SPAG9: variants seen among roughly 807,000 people sequenced by gnomAD.
SPAG9 encodes C-Jun-amino-terminal kinase-interacting protein 4.
In SPAG9, 35 loss-of-function variants were observed where a neutral mutation model predicts 166.5. That is an observed-to-expected ratio of 0.21 (90% CI 0.16 to 0.28). The LOEUF (loss-of-function observed/expected upper bound fraction) is 0.28, where lower values mean the gene tolerates loss of function less well. Ranked by LOEUF, SPAG9 falls within the 10% of genes least tolerant of loss-of-function variation. The probability of loss-of-function intolerance (pLI) is 1.00; values close to 1 mark genes in which losing one functional copy is unlikely to be tolerated. For missense variants in SPAG9, 1,235 were observed against 1,603.3 expected (o/e 0.77, Z 3.92); for synonymous variants, 534 against 565.5 (o/e 0.94, Z 0.79).
At chr17:51,114,091 C>T (rs1466651788) in intron 1 of SPAG9, among the ~76,000 whole-genome samples, 1 of 151,562 alleles carries the variant, frequency 6.6e-6, no homozygotes, top group East Asian at 1.9e-4. Flanking sequence ...TTTGGGAGGC[C>T]GAGGCAGGGG....
intron 5 of SPAG9, among the ~76,000 whole-genome samples, chr17:51,038,315 G>A (rs970766220): frequency 1.3e-5 from 2 of 152,104 alleles, no homozygotes; most frequent in South Asian, 4.1e-4. Context: ...AAGGGCTGAC[G>A]AGTACCCCAA....
intron 1 of SPAG9, chr17:51,085,208 AT>A (rs2048275237): frequency 6.6e-6 from 1 of 152,226 alleles, no homozygotes; most frequent in South Asian, 2.1e-4. Context: ...TAAAAAACAT[AT>A]AGCATTATGA....
intron 1 of SPAG9, among the ~76,000 whole-genome samples, chr17:51,093,311 A>C (rs1328045801): frequency 6.6e-6 from 1 of 152,196 alleles, no homozygotes; most frequent in African/African-American, 2.4e-5. Context: ...ATATGCAGAA[A>C]GGGGCATGTA....
intron 26 of SPAG9, among the ~76,000 whole-genome samples, chr17:50,977,529 A>G (rs1974289946): frequency 6.6e-6 from 1 of 152,196 alleles, no homozygotes; most frequent in Admixed American, 6.5e-5. Context: ...GAAATAGGAT[A>G]CATCAGGAAC....
chr17:50,994,000 G>A, intron 18 of SPAG9, 65 bp from the exon 19 acceptor site: 2 of 1,388,750 alleles, frequency 1.4e-6, no homozygotes, highest in Non-Finnish European at 2.0e-6. Flanking sequence ...ATAAGGTGGT[G>A]CTGTTACAGT....
intron 29 of SPAG9, among the ~76,000 whole-genome samples, chr17:50,967,017 T>TG (rs1417693972): frequency 6.6e-6 from 1 of 152,326 alleles, no homozygotes; most frequent in African/African-American, 2.4e-5. Context: ...ACAAAGAGGT[T>TG]GGGGTAGCAG....
At chr17:51,112,835 C>G (rs1349061932) in intron 1 of SPAG9, among the ~76,000 whole-genome samples, 1 of 151,142 alleles carries the variant, frequency 6.6e-6, no homozygotes, top group Non-Finnish European at 1.5e-5. Flanking sequence ...ATTAGCCAGG[C>G]ATGGTGGCGC....
In SPAG9 at chr17:50,995,529, G is replaced by A. The variant is rs1272867766; in HGVS notation, c.1973C>T (p.Thr658Ile). The change falls in exon 17 of 30, where the codon ACC becomes ATC. Residue 658 changes from threonine to isoleucine, a missense_variant. Thr to Ile is a moderately conservative substitution (Grantham distance 89). This residue lies in a region of SPAG9 where 493 missense variants were observed against 559.4 expected (regional missense o/e 0.88). Transcript: ENST00000262013. Reference sequence around the variant, plus strand: ...CATCTTATTTTCACCTTGACCATTGGTTACCTAATAATGGTGGAAGGAGGA... The same window carrying A: ...CATCTTATTTTCACCTTGACCATTGATTACCTAATAATGGTGGAAGGAGGA... ...WSLPQKYKQV[T>I]NGQGENKMKN... 6.3e-7 allele frequency: 1 copy of A among 1,596,660 alleles called. No individual in the cohort carries two copies. Among genetic ancestry groups the A allele is most frequent in the African/African-American group, 1.3e-5 (1 of 74,562 alleles).
chr17:50,980,004 C>T (rs915961074), intron 25 of SPAG9, 87 bp from the exon 26 acceptor site: 11 of 1,219,864 alleles, frequency 9.0e-6, no homozygotes, highest in African/African-American at 4.5e-5. Flanking sequence ...AGTTAGCAGA[C>T]TATTAAAAGA....
chr17:51,046,720 G>T, intron 4 of SPAG9: 1 of 1,535,794 alleles, frequency 6.5e-7, no homozygotes, highest in African/African-American at 1.4e-5. Context: ...GGGCCAAAGG[G>T]GTATCTTTGT....
chr17:50,995,298 A>C, intron 17 of SPAG9, 74 bp from the exon 18 acceptor site: 1 of 1,406,196 alleles, frequency 7.1e-7, no homozygotes, highest in Non-Finnish European at 9.8e-7. Context: ...AAAATAACTA[A>C]TGGTTGTAAA....
intron 5 of SPAG9, among the ~76,000 whole-genome samples, chr17:51,033,447 G>A (rs757819595): frequency 2.6e-5 from 4 of 152,104 alleles, no homozygotes. Context: ...GGGAAAAAAT[G>A]AAATTTAGGG....
rs760334649 is a variant in SPAG9 at position 51,041,662 on chromosome 17, A to G, written c.591-11T>C. 1 of 1,609,620 alleles carries G rather than the reference A, an allele frequency of 6.2e-7. No homozygotes were observed. Among genetic ancestry groups the G allele is most frequent in the South Asian group, 1.1e-5 (1 of 90,134 alleles). On this transcript the variant is annotated splice_polypyrimidine_tract_variant and intron_variant, in intron 4 of 29. Coordinates refer to ENST00000262013, the MANE Select transcript of SPAG9 (RefSeq NM_001130528.3). ...ATAGGGCGTTCTTTTCTATTTGAAGAGGGGAGAAAAAATTCGGCATTCATT... is the reference window on the plus strand; with the variant it reads ...ATAGGGCGTTCTTTTCTATTTGAAGGGGGGAGAAAAAATTCGGCATTCATT...
intron 8 of SPAG9, among the ~76,000 whole-genome samples, chr17:51,015,342 A>G (rs917079842): frequency 2.6e-5 from 4 of 152,170 alleles, no homozygotes; most frequent in African/African-American, 9.7e-5. Flanking sequence ...GGATTAAAAA[A>G]ACTGTACAAA....
At chr17:50,966,627 G>A (rs780342032) in intron 29 of SPAG9, among the ~76,000 whole-genome samples, 3 of 152,184 alleles carry the variant, frequency 2.0e-5, no homozygotes, top group Admixed American at 6.5e-5. Flanking sequence ...ATAAAATCCA[G>A]TTCACTATAC....
intron 9 of SPAG9, among the ~76,000 whole-genome samples, chr17:51,010,690 T>C (rs982283999): frequency 6.6e-6 from 1 of 151,260 alleles, no homozygotes; most frequent in Non-Finnish European, 1.5e-5. Context: ...AGGTGCAGGA[T>C]GGAGAGCTAT....
chr17:51,023,661 T>C (rs2046033144), intron 6 of SPAG9, among the ~76,000 whole-genome samples: 1 of 152,166 alleles, frequency 6.6e-6, no homozygotes, highest in African/African-American at 2.4e-5. Context: ...CAGGCGTACA[T>C]GAAATTCTTC....
intron 16 of SPAG9, 76 bp downstream of exon 16, chr17:50,996,489 G>C: frequency 6.5e-7 from 1 of 1,546,020 alleles, no homozygotes; most frequent in South Asian, 1.1e-5. Context: ...TGCGTACAGT[G>C]AATCCTTCAT....
At chr17:50,968,380 T>C (rs72842238) in intron 29 of SPAG9, among the ~76,000 whole-genome samples, 2,925 of 152,330 alleles carry the variant, frequency 0.019, 47 homozygotes, top group Non-Finnish European at 0.031. Context: ...TACTGCCTTA[T>C]GTCTGGGAAC....
Sources: gnomAD v4.1 joint callset for allele counts (sites outside exome capture counted in the v4.1 genomes callset) on GRCh38, gnomAD v4.1.1 for gene constraint, gnomAD v4.1.1 regional missense constraint, MANE v1.5 for transcripts, NCBI Gene and HGNC (gene_info 2026-07-23, HGNC 2026-07-21) for gene names.